The following ZFPM2 variants were observed in gnomAD, a reference collection of about 807,000 sequenced individuals.
The protein encoded by ZFPM2 is zinc finger protein, FOG family member 2.
In ZFPM2, 20 loss-of-function variants were observed where a neutral mutation model predicts 98.6. The observed-to-expected ratio is 0.20, with a 90% CI of 0.14 to 0.29. The LOEUF (loss-of-function observed/expected upper bound fraction) is 0.29, where lower values mean the gene tolerates loss of function less well. Ranked by LOEUF, ZFPM2 falls within the 10% of genes least tolerant of loss-of-function variation. ZFPM2 has a pLI of 1.00. For missense variants in ZFPM2, 1,310 were observed against 1,388.6 expected (o/e 0.94, Z 0.90); for synonymous variants, 518 against 502.7 (o/e 1.03, Z -0.41).
intron 1 of ZFPM2, among the ~76,000 whole-genome samples, chr8:105,417,414 G>GTCC: frequency 6.6e-6 from 1 of 151,868 alleles, no homozygotes; most frequent in African/African-American, 2.4e-5. Flanking sequence ...TAAAAAAATA[G>GTCC]AAAGTGCTTT....
intron 5 of ZFPM2, among the ~76,000 whole-genome samples, chr8:105,726,602 C>T (rs902449234): frequency 6.6e-6 from 1 of 151,650 alleles, no homozygotes; most frequent in Non-Finnish European, 1.5e-5. Context: ...CTGGTCAAGG[C>T]GATGAGGATT....
intron 5 of ZFPM2, among the ~76,000 whole-genome samples, chr8:105,727,730 A>G (rs1811846389): frequency 6.6e-6 from 1 of 151,628 alleles, no homozygotes; most frequent in Admixed American, 6.6e-5. Flanking sequence ...AATAATTACC[A>G]CTCAATAAAT....
At chr8:105,729,688 T>C (rs1233290210) in intron 5 of ZFPM2, among the ~76,000 whole-genome samples, 1 of 151,712 alleles carries the variant, frequency 6.6e-6, no homozygotes, top group Middle Eastern at 3.2e-3. Flanking sequence ...AACTGACTCA[T>C]ATTCTGCAAA....
At chr8:105,778,647 G>T (rs755010757) in intron 5 of ZFPM2, among the ~76,000 whole-genome samples, 1 of 152,110 alleles carries the variant, frequency 6.6e-6, no homozygotes, top group Non-Finnish European at 1.5e-5. Flanking sequence ...GTCATCAGTT[G>T]ACCATCTTTT....
chr8:105,654,659 CTG>C (rs1817248572), intron 5 of ZFPM2, among the ~76,000 whole-genome samples: 1 of 151,928 alleles, frequency 6.6e-6, no homozygotes, highest in Non-Finnish European at 1.5e-5. Flanking sequence ...CAAGGTGAAA[CTG>C]TGACCTAGAA....
rs372988463 is a variant in ZFPM2 at position 105,530,398 on chromosome 8, C to T, written c.302-30965C>T. On this transcript the variant is annotated intron_variant, in intron 3 of 7. Transcript: ENST00000407775. The stretch of plus-strand genomic sequence containing the variant: ...TCACTGGAGTATCAGTCTGTTCTGG[C>T]GGCCGTAACTAAAGACTAGGTGGCT... 4.7e-4 allele frequency among the ~76,000 whole-genome samples: 72 copies of T among 152,224 alleles called. 1 individual carries two copies. The Middle Eastern group carries it at 0.014, about 29-fold the overall frequency.
intron 1 of ZFPM2, among the ~76,000 whole-genome samples, chr8:105,401,558 C>T (rs928573037): frequency 6.6e-6 from 1 of 151,978 alleles, no homozygotes; most frequent in Non-Finnish European, 1.5e-5. Flanking sequence ...ATGTTCTTAC[C>T]ATGACCTGCC....
chr8:105,493,697 C>A (rs1356707412), intron 3 of ZFPM2, among the ~76,000 whole-genome samples: 1 of 152,124 alleles, frequency 6.6e-6, no homozygotes, highest in East Asian at 1.9e-4. Context: ...TAATATGTCT[C>A]CCATAGATAG....
intron 6 of ZFPM2, chr8:105,795,633 C>T (rs1813780080): frequency 1.1e-5 from 2 of 182,214 alleles, no homozygotes; most frequent in Admixed American, 6.3e-5. Flanking sequence ...GAAAGAAATG[C>T]ATGATAAGCT....
At chr8:105,580,799 TTCTCTCTC>T (rs770366065) in intron 4 of ZFPM2, among the ~76,000 whole-genome samples, 10 of 142,960 alleles carry the variant, frequency 7.0e-5, no homozygotes, top group South Asian at 2.3e-4. Flanking sequence ...ATAATCATCA[TTCTCTCTC>T]TCTCTCTCTC....
chr8:105,643,688 A>G (rs758063101), intron 5 of ZFPM2, among the ~76,000 whole-genome samples: 1 of 152,202 alleles, frequency 6.6e-6, no homozygotes, highest in Non-Finnish European at 1.5e-5. Context: ...CCCTCAGTAT[A>G]CGTGGTCTGA....
intron 4 of ZFPM2, among the ~76,000 whole-genome samples, chr8:105,583,226 C>T (rs548767923): frequency 2.6e-5 from 4 of 151,966 alleles, no homozygotes; most frequent in East Asian, 3.9e-4. Context: ...CTTCTCAAAC[C>T]TTCTCCAACT....
intron 3 of ZFPM2, among the ~76,000 whole-genome samples, chr8:105,453,202 C>G (rs1165587422): frequency 6.6e-6 from 1 of 152,128 alleles, no homozygotes; most frequent in African/African-American, 2.4e-5. Flanking sequence ...ATGCAACACT[C>G]AGTGGTAGGC....
chr8:105,345,584 G>A (rs1483639431), intron 1 of ZFPM2, among the ~76,000 whole-genome samples: 2 of 151,916 alleles, frequency 1.3e-5, no homozygotes, highest in African/African-American at 4.8e-5. Context: ...CAGGTACTTG[G>A]CTAGCTAGCA....
chr8:105,525,535 A>G (rs1327095117), intron 3 of ZFPM2, among the ~76,000 whole-genome samples: 1 of 152,176 alleles, frequency 6.6e-6, no homozygotes, highest in Non-Finnish European at 1.5e-5. Flanking sequence ...TCCATGTGTA[A>G]AAACCAGACT....
At chr8:105,508,293 T>C (rs930583451) in intron 3 of ZFPM2, among the ~76,000 whole-genome samples, 4 of 152,108 alleles carry the variant, frequency 2.6e-5, no homozygotes, top group South Asian at 4.1e-4. Flanking sequence ...TGGAAACTTA[T>C]CAGCTTCTGT....
At chr8:105,552,368 CT>C (rs1814876304) in intron 3 of ZFPM2, among the ~76,000 whole-genome samples, 1 of 152,160 alleles carries the variant, frequency 6.6e-6, no homozygotes, top group African/African-American at 2.4e-5. Context: ...AAAACATAAC[CT>C]TCCTCTGTTT....
intron 1 of ZFPM2, among the ~76,000 whole-genome samples, chr8:105,342,036 A>G (rs551580880): frequency 6.6e-6 from 1 of 152,200 alleles, no homozygotes; most frequent in South Asian, 2.1e-4. Flanking sequence ...CTCCAGTTGC[A>G]TAAAGGATTT....
At chr8:105,394,670 C>T (rs977465978) in intron 1 of ZFPM2, among the ~76,000 whole-genome samples, 4 of 152,174 alleles carry the variant, frequency 2.6e-5, no homozygotes, top group African/African-American at 9.7e-5. Context: ...TGAGCGGCTT[C>T]GAGTGTGGGC....
Sources: gnomAD v4.1 joint callset for allele counts (sites outside exome capture counted in the v4.1 genomes callset) on GRCh38, gnomAD v4.1.1 for gene constraint, MANE v1.5 for transcripts, NCBI Gene and HGNC (gene_info 2026-07-23, HGNC 2026-07-21) for gene names.